ALX4: variants seen among roughly 807,000 people sequenced by gnomAD.
The protein encoded by ALX4 is ALX homeobox 4.
In ALX4, 22 loss-of-function variants were observed where a neutral mutation model predicts 40.6. That is an observed-to-expected ratio of 0.54 (90% CI 0.39 to 0.77). The LOEUF is 0.77. ALX4 is among the 30% of genes least tolerant of loss of function. ALX4 has a pLI of 0.00. For missense variants in ALX4, 556 were observed against 564.8 expected, an observed-to-expected ratio of 0.98 and a Z score of 0.16; for synonymous variants, 266 against 240.5, an observed-to-expected ratio of 1.11 and a Z score of -0.98.
At chr11:44,296,063 C>T (rs1250056133) in intron 1 of ALX4, among the ~76,000 whole-genome samples, 1 of 152,224 alleles carries the variant, frequency 6.6e-6, no homozygotes, top group Non-Finnish European at 1.5e-5. Flanking sequence ...TACAAGGGTC[C>T]TTGTACATTC....
In ALX4 at chr11:44,263,718, C is replaced by T. The variant is rs543762689; in HGVS notation, c.*1136G>A. 3.3e-5 allele frequency: 5 copies of T among 152,458 alleles called. No homozygotes were observed. Among genetic ancestry groups the T allele is most frequent in the South Asian group, 2.1e-4 (1 of 4,828 alleles). The allele number at this position is 152,458 out of a possible 1,614,324, so 9.4% of individuals were successfully genotyped here. ...TGAGGCCATAGCAGGGCCTGGAGGC[C>T]GAGCATGGCCACACGTCCTCTAGCA... On this transcript the variant is annotated 3_prime_UTR_variant, in exon 4 of 4. Transcript: ENST00000652299.
At chr11:44,271,655 T>C (rs1956247926) in intron 2 of ALX4, among the ~76,000 whole-genome samples, 4 of 152,172 alleles carry the variant, frequency 2.6e-5, no homozygotes, top group Admixed American at 6.5e-5. Context: ...AAATAAATCT[T>C]TAATTGTAAG....
At chr11:44,302,936 A>G (rs1038396922) in intron 1 of ALX4, among the ~76,000 whole-genome samples, 5 of 152,214 alleles carry the variant, frequency 3.3e-5, no homozygotes, top group African/African-American at 1.2e-4. Flanking sequence ...GAAATTGTCA[A>G]CACTCCTGCA....
chr11:44,271,245 G>C (rs936995798), intron 2 of ALX4, among the ~76,000 whole-genome samples: 1 of 152,190 alleles, frequency 6.6e-6, no homozygotes. Flanking sequence ...TTTATACAAA[G>C]AAAAGCCTCT....
intron 1 of ALX4, among the ~76,000 whole-genome samples, chr11:44,295,950 C>G (rs976741927): frequency 6.6e-6 from 1 of 152,218 alleles, no homozygotes; most frequent in Non-Finnish European, 1.5e-5. Context: ...GCCCTCCACC[C>G]CTTCTCACCA....
Position 44,262,528 on chromosome 11 carries a change from C to T in ALX4, c.*2326G>A, listed in dbSNP as rs1056656141. On this transcript the variant is annotated 3_prime_UTR_variant, in exon 4 of 4. Coordinates refer to ENST00000652299, the MANE Select transcript of ALX4 (RefSeq NM_021926.4). ...GGGTCTAGCCCAGCCAGAGAGCAGA[C>T]GCATGGAGGAACTGAGTGCCGGGGG... 4 of 152,342 alleles carry T rather than the reference C, an allele frequency of 2.6e-5. No homozygotes were observed. Among genetic ancestry groups the T allele is most frequent in the Admixed American group, 6.5e-5 (1 of 15,298 alleles). The allele number at this position is 152,342 out of a possible 1,614,324, so 9.4% of individuals were successfully genotyped here.
intron 2 of ALX4, among the ~76,000 whole-genome samples, chr11:44,269,615 C>T (rs1956233634): frequency 6.6e-6 from 1 of 152,206 alleles, no homozygotes; most frequent in Admixed American, 6.5e-5. Context: ...CGGACCCTCT[C>T]CCCAGTTTGG....
chr11:44,309,941 T>G lies in ALX4; in HGVS notation c.122A>C (p.Asp41Ala). 1.3e-6 allele frequency: 2 copies of G among 1,593,464 alleles called. No individual in the cohort carries two copies. The highest frequency in any genetic ancestry group is 1.7e-6 in the Non-Finnish European group (2 of 1,169,652). ...CGACAGGAAAGTTGTGCCGAACTTG[T>G]CGCCTCCGGGAAATGCCCTAAAAGG... ...SSPFRAFPGG[D>A]KFGTTFLSAA... is the part of the protein sequence containing the mutation. Residue 41 changes from aspartate (D) to alanine (A), a missense_variant, in exon 1 of 4, where the codon GAC becomes GCC. Coordinates refer to ENST00000652299, the MANE Select transcript of ALX4 (RefSeq NM_021926.4).
chr11:44,284,238 T>G (rs1590695735), intron 1 of ALX4, among the ~76,000 whole-genome samples: 1 of 151,904 alleles, frequency 6.6e-6, no homozygotes. Context: ...GCGGGGCTGG[T>G]CTGAATTAAT....
intron 2 of ALX4, among the ~76,000 whole-genome samples, chr11:44,273,876 C>T (rs1956262752): frequency 6.6e-6 from 1 of 152,096 alleles, no homozygotes; most frequent in African/African-American, 2.4e-5. Flanking sequence ...TCCATTGAGC[C>T]CACGAAGTTA....
chr11:44,303,148 C>T (rs1356732341), intron 1 of ALX4, among the ~76,000 whole-genome samples: 1 of 152,182 alleles, frequency 6.6e-6, no homozygotes, highest in Non-Finnish European at 1.5e-5. Context: ...CCTTCAGAGC[C>T]CTGGAGAGCC....
Position 44,309,754 on chromosome 11 carries a change from C to T in ALX4, c.309G>A (p.Pro103=). The change falls in exon 1 of 4, where the codon CCG becomes CCA. Residue 103 remains proline (P), a synonymous_variant. Transcript: ENST00000652299. ...QPSTPQPQPP[P]QPQPQQQQPQ... Reference sequence around the variant, plus strand: ...GCTGCTGCTGCTGCGGCTGCGGCTGCGGCGGCGGCTGGGGCTGCGGGGTCG... The same window carrying T: ...GCTGCTGCTGCTGCGGCTGCGGCTGTGGCGGCGGCTGGGGCTGCGGGGTCG... The T allele has an allele frequency of 6.5e-7, 1 of 1,544,570 alleles. No homozygotes were observed. Among genetic ancestry groups the T allele is most frequent in the Non-Finnish European group, 8.7e-7 (1 of 1,146,108 alleles).
At chr11:44,297,998 C>A (rs950518639) in intron 1 of ALX4, among the ~76,000 whole-genome samples, 7 of 152,204 alleles carry the variant, frequency 4.6e-5, no homozygotes, top group African/African-American at 1.7e-4. Context: ...ATTCCCATGG[C>A]ATGTAGCACA....
chr11:44,269,150 G>A (rs570035230), intron 2 of ALX4, among the ~76,000 whole-genome samples: 20 of 152,238 alleles, frequency 1.3e-4, no homozygotes, highest in Non-Finnish European at 2.4e-4. Flanking sequence ...AGGTGTGGAC[G>A]TGCTTCCTCA....
At chr11:44,278,922 C>G (rs763830648) in intron 1 of ALX4, among the ~76,000 whole-genome samples, 1 of 152,176 alleles carries the variant, frequency 6.6e-6, no homozygotes, top group Non-Finnish European at 1.5e-5. Context: ...AGGAAGCAAG[C>G]CTTCTAACCT....
At chr11:44,271,229 G>C (rs1422949079) in intron 2 of ALX4, among the ~76,000 whole-genome samples, 20 of 152,172 alleles carry the variant, frequency 1.3e-4, no homozygotes, top group Non-Finnish European at 5.9e-5. Context: ...CACCCACCCT[G>C]CTGCCTTTAT....
chr11:44,307,496 C>G (rs1956476248), intron 1 of ALX4, among the ~76,000 whole-genome samples: 1 of 152,330 alleles, frequency 6.6e-6, no homozygotes, highest in East Asian at 1.9e-4. Flanking sequence ...GGCATTTAAC[C>G]AAGAGGTGGG....
chr11:44,265,777 G>A (rs1253134671), intron 3 of ALX4, among the ~76,000 whole-genome samples: 1 of 152,122 alleles, frequency 6.6e-6, no homozygotes, highest in East Asian at 1.9e-4. Context: ...GGATGGAAGG[G>A]GCTGCCTCAG....
In ALX4 at chr11:44,309,857, C is replaced by A; in HGVS notation, c.206G>T (p.Gly69Val). 6.4e-7 allele frequency: 1 copy of A among 1,562,142 alleles called. No homozygotes were observed. Among genetic ancestry groups the A allele is most frequent in the Admixed American group, 1.9e-5 (1 of 53,034 alleles). The change falls in exon 1 of 4, where the codon GGG (glycine) becomes GTG (valine). Residue 69 changes from glycine (G) to valine (V), a missense_variant. Gly to Val is a moderately radical substitution (Grantham distance 109). Coordinates refer to ENST00000652299, the MANE Select transcript of ALX4 (RefSeq NM_021926.4). ...DAKSRARYGA[G>V]QQDLATPLES... Reference sequence around the variant, plus strand: ...CAGGGGTGTCGCCAGGTCCTGCTGCCCAGCGCCGTAACGGGCCCGGCTCTT... The same window carrying A: ...CAGGGGTGTCGCCAGGTCCTGCTGCACAGCGCCGTAACGGGCCCGGCTCTT...
Sources: gnomAD v4.1 joint callset for allele counts (sites outside exome capture counted in the v4.1 genomes callset) on GRCh38, gnomAD v4.1.1 for gene constraint, MANE v1.5 for transcripts, NCBI Gene and HGNC (gene_info 2026-07-23, HGNC 2026-07-21) for gene names.